Variants in BACH2 observed in about 807,000 individuals in gnomAD.
The protein encoded by BACH2 is transcription regulator protein BACH2.
In BACH2, 5 loss-of-function variants were observed where a neutral mutation model predicts 61.8. That is an observed-to-expected ratio of 0.08 (90% CI 0.04 to 0.17). The LOEUF (loss-of-function observed/expected upper bound fraction) is 0.17. BACH2 is among the 10% of genes least tolerant of loss of function. BACH2 has a pLI of 1.00. For missense variants in BACH2, 824 were observed against 1,091.1 expected (o/e 0.76, Z 3.45); for synonymous variants, 446 against 440.1 (o/e 1.01, Z -0.17).
intron 3 of BACH2, among the ~76,000 whole-genome samples, chr6:90,239,053 G>T (rs1481127735): frequency 6.6e-6 from 1 of 152,204 alleles, no homozygotes; most frequent in Non-Finnish European, 1.5e-5. Context: ...GCAGCAGCAG[G>T]TTAGCTGCTG....
chr6:90,048,671 C>T (rs576497319), intron 5 of BACH2, among the ~76,000 whole-genome samples: 1 of 152,288 alleles, frequency 6.6e-6, no homozygotes, highest in South Asian at 2.1e-4. Flanking sequence ...GTTATAACTT[C>T]AGAGTTTCAA....
At position 90,244,147 on chromosome 6, in the gene BACH2, C is replaced by T. The variant is rs145826517; in HGVS notation, c.-275+8366G>A. Among the ~76,000 whole-genome samples the T allele has an allele frequency of 4.9e-3, 750 of 152,254 alleles. 15 individuals are homozygous for T. In the East Asian group the frequency reaches 0.058, roughly 12 times the overall value. On this transcript the variant is annotated intron_variant, in intron 3 of 8. Coordinates refer to ENST00000257749, the MANE Select transcript of BACH2 (RefSeq NM_021813.4). ...ATGTTGGCCAGGCTGATCTTGAACT[C>T]CTGACCTCAAGCAATCCGCCTGCCT...
intron 4 of BACH2, among the ~76,000 whole-genome samples, chr6:90,192,361 G>A (rs1403457123): frequency 6.6e-6 from 1 of 150,532 alleles, no homozygotes; most frequent in Non-Finnish European, 1.5e-5. Flanking sequence ...ATAATTTTTA[G>A]CAGTTCTAAA....
At chr6:90,228,344 T>C (rs770698733) in intron 3 of BACH2, among the ~76,000 whole-genome samples, 1 of 152,250 alleles carries the variant, frequency 6.6e-6, no homozygotes, top group Non-Finnish European at 1.5e-5. Flanking sequence ...TGGTCAGCCA[T>C]TTTGGGAAAA....
At chr6:89,999,922 G>A in intron 6 of BACH2, among the ~76,000 whole-genome samples, 1 of 152,128 alleles carries the variant, frequency 6.6e-6, no homozygotes, top group Admixed American at 6.5e-5. Context: ...TCTTAAAAAC[G>A]GCTTTGAAAT....
At position 89,928,207 on chromosome 6, in the gene BACH2, G is replaced by A. The variant is rs557901563; in HGVS notation, c.*4201C>T. On this transcript the variant is annotated 3_prime_UTR_variant, in exon 9 of 9. Coordinates refer to ENST00000257749, the MANE Select transcript of BACH2 (RefSeq NM_021813.4). ...CCAAACTTGATTCTTGCTCCTTCTG[G>A]ATCTGAGACTCCTCCTAAACTGTAA... The A allele has an allele frequency of 1.0e-4, 16 of 152,458 alleles. No homozygotes were observed. The South Asian group carries it at 3.3e-3, about 32-fold the overall frequency. The allele number at this position is 152,458 out of a possible 1,614,324, so 9.4% of individuals were successfully genotyped here.
At chr6:90,145,312 T>C (rs1015490840) in intron 4 of BACH2, among the ~76,000 whole-genome samples, 4 of 152,182 alleles carry the variant, frequency 2.6e-5, no homozygotes, top group African/African-American at 7.2e-5. Context: ...CCTGTCAAAA[T>C]AGTATTAAGT....
chr6:90,091,659 C>T (rs1370816595), intron 4 of BACH2, among the ~76,000 whole-genome samples: 1 of 152,066 alleles, frequency 6.6e-6, no homozygotes, highest in Non-Finnish European at 1.5e-5. Flanking sequence ...AATGAAATAA[C>T]CTCACTCTTT....
chr6:90,015,353 C>T (rs578197940), intron 5 of BACH2, among the ~76,000 whole-genome samples: 19 of 152,012 alleles, frequency 1.2e-4, no homozygotes, highest in Non-Finnish European at 2.6e-4. Context: ...TTTCCAGTTT[C>T]CTAAGGTGGT....
rs896007799 is a variant in BACH2, at chr6:89,929,515, A to G, written c.*2893T>C. ...CTGTTCATGGTGGATTATGAATGAA[A>G]TAACTTGTGAGAAATCTCTATGAAA... On this transcript the variant is annotated 3_prime_UTR_variant, in exon 9 of 9. Coordinates refer to ENST00000257749, the MANE Select transcript of BACH2 (RefSeq NM_021813.4). 4 of 152,384 alleles carry G rather than the reference A, an allele frequency of 2.6e-5. No homozygotes were observed. Among genetic ancestry groups the G allele is most frequent in the African/African-American group, 9.6e-5 (4 of 41,454 alleles). The allele number at this position is 152,384 out of a possible 1,614,324, so 9.4% of individuals were successfully genotyped here.
chr6:89,991,496 CAT>C (rs922639138), intron 6 of BACH2, among the ~76,000 whole-genome samples: 120 of 152,270 alleles, frequency 7.9e-4, no homozygotes, highest in African/African-American at 1.2e-3. Flanking sequence ...CACACACACA[CAT>C]GCATATGTTT....
At chr6:90,242,332 C>T (rs1479722617) in intron 3 of BACH2, among the ~76,000 whole-genome samples, 1 of 152,188 alleles carries the variant, frequency 6.6e-6, no homozygotes, top group East Asian at 1.9e-4. Context: ...TAGTTTAAAT[C>T]GTACAGTATG....
chr6:89,941,477 G>T (rs1333608615), intron 7 of BACH2, among the ~76,000 whole-genome samples: 1 of 152,208 alleles, frequency 6.6e-6, no homozygotes, highest in Non-Finnish European at 1.5e-5. Flanking sequence ...CTGTCGGCTT[G>T]GCCCTGCTCC....
At chr6:90,127,977 C>T (rs573193788) in intron 4 of BACH2, among the ~76,000 whole-genome samples, 1 of 152,030 alleles carries the variant, frequency 6.6e-6, no homozygotes, top group African/African-American at 2.4e-5. Context: ...TGGAGCTAAC[C>T]CCAAGGAAAA....
At chr6:90,127,351 T>TC (rs1312976112) in intron 4 of BACH2, among the ~76,000 whole-genome samples, 6 of 152,088 alleles carry the variant, frequency 3.9e-5, no homozygotes, top group Admixed American at 2.6e-4. Context: ...TGCGAGCCTC[T>TC]CCCCCGGCCT....
At chr6:90,284,201 CAAA>C (rs777832296) in intron 1 of BACH2, among the ~76,000 whole-genome samples, 1 of 152,178 alleles carries the variant, frequency 6.6e-6, no homozygotes, top group South Asian at 2.1e-4. Context: ...CAAACTGCAG[CAAA>C]ACCAACCAAA....
chr6:90,218,382 C>T (rs1769612549), intron 3 of BACH2: 1 of 152,198 alleles, frequency 6.6e-6, no homozygotes, highest in Non-Finnish European at 1.5e-5. Context: ...ACAAATGACT[C>T]TAGGCATTCC....
chr6:90,134,432 G>T (rs1784206707), intron 4 of BACH2, among the ~76,000 whole-genome samples: 2 of 152,180 alleles, frequency 1.3e-5, no homozygotes, highest in African/African-American at 4.8e-5. Context: ...AGTGATGAAG[G>T]CTGACATTTT....
chr6:90,078,313 T>C (rs1480757055), intron 5 of BACH2, among the ~76,000 whole-genome samples: 8 of 152,288 alleles, frequency 5.3e-5, no homozygotes, highest in Non-Finnish European at 8.8e-5. Flanking sequence ...TGAACATCCA[T>C]GTTTAAATAA....
Sources: gnomAD v4.1 joint callset for allele counts (sites outside exome capture counted in the v4.1 genomes callset) on GRCh38, gnomAD v4.1.1 for gene constraint, MANE v1.5 for transcripts, NCBI Gene and HGNC (gene_info 2026-07-23, HGNC 2026-07-21) for gene names.